WDPCP: variants seen among roughly 807,000 people sequenced by gnomAD.
WDPCP encodes the protein WD repeat-containing and planar cell polarity effector protein fritz homolog.
Under a neutral mutation model 93.1 loss-of-function variants are expected in WDPCP, and 71 were observed. That is an observed-to-expected ratio of 0.76 (90% CI 0.63 to 0.93). The LOEUF (loss-of-function observed/expected upper bound fraction) is 0.93, where lower values mean the gene tolerates loss of function less well. Ranked by LOEUF, WDPCP falls within the 40% of genes least tolerant of loss-of-function variation. The probability of loss-of-function intolerance (pLI) is 0.00; values close to 1 mark genes in which losing one functional copy is unlikely to be tolerated. For synonymous variants in WDPCP, 315 were observed against 315.0 expected (o/e 1.00, Z 0.00); for missense variants, 844 against 887.4 (o/e 0.95, Z 0.62).
chr2:63,661,334 A>C (rs577216142), intron 2 of WDPCP, among the ~76,000 whole-genome samples: 1 of 152,316 alleles, frequency 6.6e-6, no homozygotes, highest in South Asian at 2.1e-4. Flanking sequence ...TCAATTCCTT[A>C]TAAGCTGTTG....
At chr2:63,338,570 ATATATATATATATATATAT>A (rs1558490416) in intron 12 of WDPCP, among the ~76,000 whole-genome samples, 5 of 5,318 alleles carry the variant, frequency 9.4e-4, no homozygotes, top group Non-Finnish European at 1.2e-3. Context: ...AAAAAAAAAA[ATATATATATATATATATAT>A]ATATATATAT....
At chr2:63,683,622 G>A (rs549547200) in intron 2 of WDPCP, among the ~76,000 whole-genome samples, 3 of 152,258 alleles carry the variant, frequency 2.0e-5, no homozygotes, top group Admixed American at 6.5e-5. Context: ...GGAGGCCAAG[G>A]CGGGTGGATC....
chr2:63,759,074 C>A (rs1283046208), intron 2 of WDPCP, among the ~76,000 whole-genome samples: 2 of 151,214 alleles, frequency 1.3e-5, no homozygotes, highest in Non-Finnish European at 2.9e-5. Flanking sequence ...AGGCACCATG[C>A]ACGGCCAAAA....
chr2:63,551,510 TTGAAAGCTTCC>T (rs1486949254), intron 1 of WDPCP, among the ~76,000 whole-genome samples: 1 of 152,168 alleles, frequency 6.6e-6, no homozygotes, highest in East Asian at 1.9e-4. Flanking sequence ...TCCACCATGA[TTGAAAGCTTCC>T]TGAGGCCTCA....
intron 1 of WDPCP, among the ~76,000 whole-genome samples, chr2:63,816,252 G>A (rs1472281008): frequency 1.3e-5 from 2 of 152,042 alleles, no homozygotes; most frequent in African/African-American, 4.8e-5. Flanking sequence ...GACTCATAGC[G>A]GCTTTATTTA....
At chr2:63,132,481 G>GGACAATA (rs1670353376) in intron 17 of WDPCP, among the ~76,000 whole-genome samples, 1 of 147,808 alleles carries the variant, frequency 6.8e-6, no homozygotes, top group Non-Finnish European at 1.5e-5. Context: ...TGGATATATT[G>GGACAATA]TCCTGCTTGA....
rs547715655 is a variant in WDPCP at position 63,351,127 on chromosome 2, G to A, written c.1748+27259C>T. 1.1e-4 allele frequency among the ~76,000 whole-genome samples: 16 copies of A among 152,000 alleles called. No homozygotes were observed. The East Asian group carries it at 1.4e-3, about 13-fold the overall frequency. The stretch of plus-strand genomic sequence containing the variant: ...CTCTCAAGTAGCTGGGATTACAGGC[G>A]TGTGCCACCACATCTGGCTAATTTT... On this transcript the variant is annotated intron_variant, in intron 12 of 17. Transcript: ENST00000272321.
chr2:63,695,172 A>C (rs537427110), intron 2 of WDPCP, among the ~76,000 whole-genome samples: 3 of 152,348 alleles, frequency 2.0e-5, no homozygotes, highest in South Asian at 4.1e-4. Context: ...ACAGAAGAGA[A>C]ATATGAAATG....
At chr2:63,309,734 C>T (rs2103897221) in intron 13 of WDPCP, among the ~76,000 whole-genome samples, 1 of 151,986 alleles carries the variant, frequency 6.6e-6, no homozygotes, top group East Asian at 1.9e-4. Context: ...AAACGATAGA[C>T]ATCAAAGTAT....
intron 10 of WDPCP, among the ~76,000 whole-genome samples, chr2:63,388,486 C>T (rs1421211362): frequency 6.6e-6 from 1 of 152,184 alleles, no homozygotes; most frequent in South Asian, 2.1e-4. Flanking sequence ...CAGAGCGCCT[C>T]TTCTCCTCCA....
At chr2:63,533,954 T>C (rs556884115) in intron 1 of WDPCP, among the ~76,000 whole-genome samples, 1 of 151,784 alleles carries the variant, frequency 6.6e-6, no homozygotes, top group South Asian at 2.1e-4. Context: ...ACAAAACAGA[T>C]AGACTGCTAG....
At chr2:63,365,011 G>A (rs1275072318) in intron 12 of WDPCP, among the ~76,000 whole-genome samples, 1 of 152,176 alleles carries the variant, frequency 6.6e-6, no homozygotes, top group African/African-American at 2.4e-5. Context: ...CAAAAGAACT[G>A]TATTTACAAA....
intron 1 of WDPCP, among the ~76,000 whole-genome samples, chr2:63,500,770 C>A (rs1270525192): frequency 1.3e-5 from 2 of 152,114 alleles, no homozygotes; most frequent in African/African-American, 2.4e-5. Flanking sequence ...TAAGGATTAA[C>A]TAGTGTGTAT....
At chr2:63,444,083 A>C (rs1208382357) in intron 6 of WDPCP, among the ~76,000 whole-genome samples, 1 of 152,182 alleles carries the variant, frequency 6.6e-6, no homozygotes, top group Non-Finnish European at 1.5e-5. Flanking sequence ...ATTTAAAGCC[A>C]TGGTACTGGA....
chr2:63,602,112 T>C (rs1709430247), intron 3 of WDPCP, among the ~76,000 whole-genome samples: 1 of 152,218 alleles, frequency 6.6e-6, no homozygotes, highest in African/African-American at 2.4e-5. Context: ...CTTGCAGGGA[T>C]TAGATCGGTC....
At chr2:63,278,181 C>A (rs1683224802) in intron 13 of WDPCP, among the ~76,000 whole-genome samples, 1 of 152,094 alleles carries the variant, frequency 6.6e-6, no homozygotes, top group Non-Finnish European at 1.5e-5. Context: ...ACAATGAAAT[C>A]AAGATGGAAA....
chr2:63,838,098 G>GA, the WDPCP span, among the ~76,000 whole-genome samples: 34 of 141,530 alleles, frequency 2.4e-4, no homozygotes, highest in East Asian at 1.2e-3. Context: ...CTATCTCAAA[G>GA]AAAAAAAAAA....
chr2:63,177,383 T>A (rs1440560086), intron 14 of WDPCP, among the ~76,000 whole-genome samples: 1 of 152,242 alleles, frequency 6.6e-6, no homozygotes, highest in Non-Finnish European at 1.5e-5. Context: ...GAATATTGGA[T>A]GTCTTTCAAT....
intron 13 of WDPCP, among the ~76,000 whole-genome samples, chr2:63,279,542 ACT>A (rs1683352228): frequency 6.6e-6 from 1 of 152,188 alleles, no homozygotes; most frequent in African/African-American, 2.4e-5. Flanking sequence ...CCCCCTGAGA[ACT>A]GGAAAAAGAC....
Sources: allele counts gnomAD v4.1 joint callset (sites outside exome capture counted in the v4.1 genomes callset), GRCh38; gene constraint gnomAD v4.1.1; transcripts MANE v1.5; gene names NCBI Gene and HGNC (gene_info 2026-07-23, HGNC 2026-07-21).